The following WNT7B variants were observed in gnomAD, a reference collection of about 807,000 sequenced individuals.
WNT7B encodes protein Wnt-7b.
WNT7B carries 19 observed loss-of-function variants against 38.2 expected under a neutral mutation model. The observed-to-expected ratio is 0.50, with a 90% confidence interval of 0.35 to 0.73. The LOEUF is 0.73. Ranked by LOEUF, WNT7B falls within the 30% of genes least tolerant of loss-of-function variation. The probability of loss-of-function intolerance (pLI) is 0.01; values close to 1 mark genes in which losing one functional copy is unlikely to be tolerated. For synonymous variants in WNT7B, 243 were observed against 209.3 expected (o/e 1.16, Z -1.39); for missense variants, 423 against 507.9 (o/e 0.83, Z 1.61).
chr22:45,972,082 C>G, intron 1 of WNT7B: 1 of 550,992 alleles, frequency 1.8e-6, no homozygotes, highest in East Asian at 3.6e-5. Context: ...GCGTTCCCTG[C>G]CCGCCCGGTT....
chr22:45,972,528 T>C (rs371942136), intron 1 of WNT7B: 276 of 168,102 alleles, frequency 1.6e-3, no homozygotes, highest in Middle Eastern at 2.6e-3. Context: ...CGTCTGTCGG[T>C]GCGAACCGGC....
chr22:45,956,714 C>T (rs1288545075), intron 1 of WNT7B, among the ~76,000 whole-genome samples: 1 of 152,224 alleles, frequency 6.6e-6, no homozygotes, highest in Non-Finnish European at 1.5e-5. Context: ...CGTGACTACA[C>T]GGTGAGGAAA....
In WNT7B at chr22:45,926,644, G is replaced by A. The variant is rs1441849147; in HGVS notation, c.571-3309C>T. On this transcript the variant is annotated intron_variant, in intron 3 of 3. Transcript: ENST00000339464. ...TGGCCATGGCCTGCGGCTGTGGAAT[G>A]AGGTGCCTCACACCCTCTTCCACAG... 5 of 985,272 alleles carry A rather than the reference G, an allele frequency of 5.1e-6. No individual in the cohort carries two copies. In the East Asian group the frequency reaches 4.5e-4, roughly 89 times the overall value. The allele number at this position is 985,272 out of a possible 1,614,324, so 61.0% of individuals were successfully genotyped here. A position where few individuals can be genotyped will look rare whatever the true frequency, so the allele number is the denominator to read the frequency against.
At chr22:45,929,522 A>C (rs2146709748) in intron 3 of WNT7B, among the ~76,000 whole-genome samples, 1 of 124,262 alleles carries the variant, frequency 8.0e-6, no homozygotes, top group Admixed American at 9.6e-5. Flanking sequence ...ACTTCCGTCC[A>C]TCTTTCCACC....
intron 2 of WNT7B, among the ~76,000 whole-genome samples, chr22:45,947,943 C>T (rs939860124): frequency 2.6e-5 from 4 of 152,192 alleles, no homozygotes; most frequent in Admixed American, 6.5e-5. Flanking sequence ...CAGGCGAGCT[C>T]GGGGACCCCA....
chr22:45,929,631 TCCATGCATCCACTCATCCATCCTTCCAC>T (rs1931237329), intron 3 of WNT7B, among the ~76,000 whole-genome samples: 1 of 111,064 alleles, frequency 9.0e-6, no homozygotes, highest in Non-Finnish European at 1.9e-5. Context: ...CATCCTTCCA[TCCATGCATCCACTCATCCATCCTTCCAC>T]CCACCCGCCC....
Position 45,922,608 on chromosome 22 carries a change from C to T in WNT7B, c.*248G>A. 2 of 583,150 alleles carry T rather than the reference C, an allele frequency of 3.4e-6. No individual in the cohort carries two copies. Among genetic ancestry groups the T allele is most frequent in the Non-Finnish European group, 5.9e-6 (2 of 341,350 alleles). 36.1% of individuals were successfully genotyped at this position (583,150 alleles called of 1,614,324 possible). On this transcript the variant is annotated 3_prime_UTR_variant, in exon 4 of 4. Coordinates refer to ENST00000339464, the MANE Select transcript of WNT7B (RefSeq NM_058238.3). ...GTCGGGGAGCACCAAGACCCCTGGC[C>T]TTGCTCTCTGGGTGGGTCACGGGTG...
At chr22:45,967,048 G>A (rs903939189) in intron 1 of WNT7B, among the ~76,000 whole-genome samples, 1 of 152,228 alleles carries the variant, frequency 6.6e-6, no homozygotes, top group South Asian at 2.1e-4. Context: ...GGCAGGGATG[G>A]GGGAGGGGCC....
chr22:45,942,946 ATG>A (rs71714025), intron 2 of WNT7B, among the ~76,000 whole-genome samples: 32,244 of 143,780 alleles, frequency 0.22, 3,829 homozygotes, highest in South Asian at 0.42. Context: ...GTAGGCGTGT[ATG>A]TGTGCAGTGT....
intron 2 of WNT7B, among the ~76,000 whole-genome samples, chr22:45,946,938 C>T (rs993572246): frequency 1.3e-5 from 2 of 152,256 alleles, no homozygotes; most frequent in Admixed American, 6.5e-5. Context: ...ACAGGCCAAG[C>T]CCCTTCTCAG....
rs1458486765 is a variant in WNT7B, at chr22:45,921,589, C to G, written c.*1267G>C. On this transcript the variant is annotated 3_prime_UTR_variant, in exon 4 of 4. Coordinates refer to ENST00000339464, the MANE Select transcript of WNT7B (RefSeq NM_058238.3). Reference sequence around the variant, plus strand: ...CAAGTGGGACAAACATCCCTGACCACTCACCACCTGCCTGACCCCCGCGGC... The same window carrying G: ...CAAGTGGGACAAACATCCCTGACCAGTCACCACCTGCCTGACCCCCGCGGC... The G allele has an allele frequency of 6.6e-6, 1 of 152,148 alleles. No individual in the cohort carries two copies. Among genetic ancestry groups the G allele is most frequent in the African/African-American group, 2.4e-5 (1 of 41,406 alleles). 9.4% of individuals were successfully genotyped at this position (152,148 alleles called of 1,614,324 possible).
At chr22:45,947,306 TTC>T (rs1194343274) in intron 2 of WNT7B, among the ~76,000 whole-genome samples, 1 of 152,242 alleles carries the variant, frequency 6.6e-6, no homozygotes. Flanking sequence ...GAGGAAGAGC[TTC>T]TGTTTAACTC....
At chr22:45,960,174 A>G (rs769647863) in intron 1 of WNT7B, among the ~76,000 whole-genome samples, 7 of 151,884 alleles carry the variant, frequency 4.6e-5, no homozygotes, top group Admixed American at 1.3e-4. Context: ...CTCCTTGGCC[A>G]CTTTGGCCAG....
intron 1 of WNT7B, among the ~76,000 whole-genome samples, chr22:45,961,146 G>A (rs1299312542): frequency 6.6e-6 from 1 of 152,254 alleles, no homozygotes; most frequent in Non-Finnish European, 1.5e-5. Context: ...GCCCAGAGCT[G>A]GGCGCGCCGG....
chr22:45,938,842 A>G (rs1283853141), intron 2 of WNT7B, among the ~76,000 whole-genome samples: 2 of 152,268 alleles, frequency 1.3e-5, no homozygotes, highest in Non-Finnish European at 2.9e-5. Context: ...TGATTGTTAC[A>G]CATTGTATAC....
intron 3 of WNT7B, among the ~76,000 whole-genome samples, chr22:45,929,561 C>CACCG (rs1931229671): frequency 2.0e-5 from 3 of 149,290 alleles, no homozygotes; most frequent in African/African-American, 7.5e-5. Context: ...TCCTTCCACC[C>CACCG]ATCCCCTCAT....
At chr22:45,940,150 A>G (rs139783318) in intron 2 of WNT7B, among the ~76,000 whole-genome samples, 17 of 152,306 alleles carry the variant, frequency 1.1e-4, no homozygotes, top group Admixed American at 2.0e-4. Flanking sequence ...TGTGATGGAC[A>G]CATAGGGCCA....
chr22:45,930,981 T>G (rs1037972995), intron 3 of WNT7B, 117 bp downstream of exon 3: 10 of 1,391,604 alleles, frequency 7.2e-6, no homozygotes, highest in Non-Finnish European at 6.6e-6. Context: ...CCCCACCCCC[T>G]GCACACCTAC....
At chr22:45,948,925 A>T (rs1222643949) in intron 2 of WNT7B, among the ~76,000 whole-genome samples, 2 of 138,084 alleles carry the variant, frequency 1.4e-5, no homozygotes, top group African/African-American at 5.4e-5. Context: ...GCTCACTGCA[A>T]CCTCTCTCCG....
Sources: allele counts gnomAD v4.1 joint callset (sites outside exome capture counted in the v4.1 genomes callset), GRCh38; gene constraint gnomAD v4.1.1; transcripts MANE v1.5; gene names NCBI Gene and HGNC (gene_info 2026-07-23, HGNC 2026-07-21).